The following MYH15 variants were observed in gnomAD, a reference collection of about 807,000 sequenced individuals.
The protein encoded by MYH15 is myosin-15.
MYH15 carries 227 observed loss-of-function variants against 240.5 expected under a neutral mutation model. That is an observed-to-expected ratio of 0.94 (90% CI 0.85 to 1.05). The LOEUF is 1.05. Ranked by LOEUF, MYH15 falls within the 50% of genes least tolerant of loss-of-function variation. The pLI, the probability that MYH15 is intolerant of heterozygous loss-of-function variation, is 0.00. For synonymous variants in MYH15, 785 were observed against 796.7 expected (o/e 0.99, Z 0.25); for missense variants, 2,217 against 2,247.5 (o/e 0.99, Z 0.27).
intron 27 of MYH15, among the ~76,000 whole-genome samples, chr3:108,425,808 A>AG (rs1306059111): frequency 6.6e-6 from 1 of 152,198 alleles, no homozygotes; most frequent in Admixed American, 6.5e-5. Flanking sequence ...GTAGAGAGAG[A>AG]ATTAATCTTC....
At chr3:108,546,352 TTTGAG>T in the MYH15 span, among the ~76,000 whole-genome samples, 1 of 152,216 alleles carries the variant, frequency 6.6e-6, no homozygotes, top group African/African-American at 2.4e-5. Context: ...CTTTTGGCTC[TTTGAG>T]ATAAGTGAGA....
At chr3:108,513,209 G>A (rs1245921142), upstream of MYH15, among the ~76,000 whole-genome samples, 1 of 152,152 alleles carries the variant, frequency 6.6e-6, no homozygotes, top group East Asian at 1.9e-4. Context: ...AAACACAGAT[G>A]AGTATAGAAC....
intron 11 of MYH15, among the ~76,000 whole-genome samples, chr3:108,477,097 A>T (rs1381182330): frequency 6.6e-6 from 1 of 152,186 alleles, no homozygotes; most frequent in Non-Finnish European, 1.5e-5. Context: ...TGAATGGATT[A>T]AAAAATGTGG....
chr3:108,478,501 A>G (rs2083238886), intron 11 of MYH15, among the ~76,000 whole-genome samples: 1 of 152,190 alleles, frequency 6.6e-6, no homozygotes, highest in Non-Finnish European at 1.5e-5. Context: ...ATAATTTCAA[A>G]TTGAGAATCC....
At chr3:108,491,319 T>C (rs942204156) in intron 9 of MYH15, among the ~76,000 whole-genome samples, 7 of 152,230 alleles carry the variant, frequency 4.6e-5, no homozygotes, top group Admixed American at 3.9e-4. Context: ...GGTGTACACA[T>C]AGCAGCTCCA....
chr3:108,468,807 G>A (rs2083144612), intron 14 of MYH15, among the ~76,000 whole-genome samples: 1 of 152,150 alleles, frequency 6.6e-6, no homozygotes, highest in South Asian at 2.1e-4. Context: ...GTTCCTGCCT[G>A]AAAACAGTAT....
rs57743668 is a variant in MYH15 at position 108,424,696 on chromosome 3, C to T, written c.3703-3482G>A. On this transcript the variant is annotated intron_variant, in intron 27 of 40. Transcript: ENST00000693548. ...AAATGCTTCAGTCTCCACTGTACCA[C>T]TCAGCATTGGCATTCTTGCCATTAT... Among the ~76,000 whole-genome samples the T allele has an allele frequency of 2.1e-3, 321 of 152,346 alleles. 1 individual carries two copies. The highest frequency in any genetic ancestry group is 7.2e-3 in the African/African-American group (298 of 41,578).
intron 26 of MYH15, 110 bp from the exon 27 acceptor site, chr3:108,428,991 C>A: frequency 1.8e-6 from 2 of 1,108,772 alleles, no homozygotes; most frequent in Non-Finnish European, 2.5e-6. Flanking sequence ...CAATTTACAA[C>A]TAAAGAAAAC....
At chr3:108,446,014 G>A (rs1313566518) in intron 21 of MYH15, among the ~76,000 whole-genome samples, 1 of 152,054 alleles carries the variant, frequency 6.6e-6, no homozygotes, top group Non-Finnish European at 1.5e-5. Flanking sequence ...TACAACCTCA[G>A]GTTCCAGGCC....
upstream of MYH15, chr3:108,510,736 T>C (rs189262911): frequency 7.6e-5 from 60 of 787,566 alleles, no homozygotes; most frequent in East Asian, 1.5e-3. Context: ...ATGTCTCAAA[T>C]TTATACAAAA....
chr3:108,431,766 A>G (rs2082781397), intron 25 of MYH15, among the ~76,000 whole-genome samples: 1 of 152,206 alleles, frequency 6.6e-6, no homozygotes, highest in Middle Eastern at 3.2e-3. Flanking sequence ...GAAAATGCGG[A>G]AAGTTTGAAA....
chr3:108,448,292 C>T (rs2082945024), intron 21 of MYH15, among the ~76,000 whole-genome samples: 1 of 151,950 alleles, frequency 6.6e-6, no homozygotes, highest in Non-Finnish European at 1.5e-5. Flanking sequence ...GAAATAAGTT[C>T]ACCAATCAAA....
chr3:108,491,082 T>C (rs574274395), intron 9 of MYH15, among the ~76,000 whole-genome samples: 1 of 152,192 alleles, frequency 6.6e-6, no homozygotes, highest in South Asian at 2.1e-4. Context: ...GAGACTGGTT[T>C]TTACCATGTT....
chr3:108,427,620 A>ACC (rs1362199591), intron 27 of MYH15, among the ~76,000 whole-genome samples: 7 of 100,294 alleles, frequency 7.0e-5, no homozygotes, highest in Admixed American at 4.1e-4. Context: ...CACACACAAC[A>ACC]CACACACACA....
chr3:108,391,025 C>T (rs1394681948), intron 37 of MYH15, among the ~76,000 whole-genome samples: 5 of 152,152 alleles, frequency 3.3e-5, no homozygotes, highest in Non-Finnish European at 7.4e-5. Flanking sequence ...TATACGCTTT[C>T]CACATTGCCC....
At chr3:108,466,577 T>A (rs1348369074) in intron 14 of MYH15, among the ~76,000 whole-genome samples, 1 of 152,120 alleles carries the variant, frequency 6.6e-6, no homozygotes. Flanking sequence ...ACACCTTCCT[T>A]ATGGCAGGGA....
Position 108,472,866 on chromosome 3 carries a change from T to A in MYH15, c.1234-2019A>T, listed in dbSNP as rs138443136. Among the ~76,000 whole-genome samples the A allele has an allele frequency of 2.3e-3, 346 of 152,346 alleles. 1 individual carries two copies. Among genetic ancestry groups the A allele is most frequent in the African/African-American group, 7.3e-3 (304 of 41,574 alleles). On this transcript the variant is annotated intron_variant, in intron 12 of 40. Transcript: ENST00000693548. ...GGAGAGGAAATGAGGTGGCTAAATC[T>A]ATATTTCCACTTTTCAAGGGTTAAA...
upstream of MYH15, among the ~76,000 whole-genome samples, chr3:108,529,830 C>T (rs952243275): frequency 6.6e-6 from 1 of 152,178 alleles, no homozygotes; most frequent in Non-Finnish European, 1.5e-5. Flanking sequence ...CCATGACCAG[C>T]AACCTCTTTG....
At chr3:108,527,199 T>C (rs1028473569) in intron 1 of MYH15, among the ~76,000 whole-genome samples, 8 of 152,170 alleles carry the variant, frequency 5.3e-5, no homozygotes, top group Admixed American at 4.6e-4. Flanking sequence ...CTTTGAGAAC[T>C]ACTGTGCTAG....
Sources: gnomAD v4.1 joint callset for allele counts (sites outside exome capture counted in the v4.1 genomes callset) on GRCh38, gnomAD v4.1.1 for gene constraint, MANE v1.5 for transcripts, NCBI Gene and HGNC (gene_info 2026-07-23, HGNC 2026-07-21) for gene names.